Variants in DAB1 observed in about 807,000 individuals in gnomAD.
DAB1 encodes the protein disabled homolog 1.
DAB1 carries 15 observed loss-of-function variants against 64.6 expected under a neutral mutation model. The observed-to-expected ratio is 0.23, with a 90% confidence interval of 0.16 to 0.36. The LOEUF (loss-of-function observed/expected upper bound fraction) is 0.36. DAB1 is among the 10% of genes least tolerant of loss of function. The pLI, the probability that DAB1 is intolerant of heterozygous loss-of-function variation, is 1.00. For synonymous variants in DAB1, 235 were observed against 251.9 expected, an observed-to-expected ratio of 0.93 and a Z score of 0.64; for missense variants, 596 against 706.7, an observed-to-expected ratio of 0.84 and a Z score of 1.78.
chr1:57,299,504 A>G (rs1230287956), intron 1 of DAB1, among the ~76,000 whole-genome samples: 2 of 152,248 alleles, frequency 1.3e-5, no homozygotes, highest in African/African-American at 2.4e-5. Context: ...ATTTGACAGC[A>G]ACATGGCATA....
chr1:57,934,221 G>A (rs1199130066), intron 5 of DAB1, among the ~76,000 whole-genome samples: 1 of 152,062 alleles, frequency 6.6e-6, no homozygotes, highest in African/African-American at 2.4e-5. Flanking sequence ...ACTGCGCCCG[G>A]CCCTAGTCTT....
intron 4 of DAB1, among the ~76,000 whole-genome samples, chr1:58,340,905 A>AT (rs1643923462): frequency 6.6e-6 from 1 of 152,216 alleles, no homozygotes; most frequent in African/African-American, 2.4e-5. Flanking sequence ...CTAGAAAAGG[A>AT]TAAATGTCGA....
chr1:58,126,022 A>G (rs79863771), intron 5 of DAB1, among the ~76,000 whole-genome samples: 3,847 of 152,170 alleles, frequency 0.025, 143 homozygotes, highest in African/African-American at 0.087. Flanking sequence ...GGAGCTCACT[A>G]AACACTGGAC....
intron 9 of DAB1, among the ~76,000 whole-genome samples, chr1:57,047,848 A>G (rs914817604): frequency 7.9e-5 from 12 of 152,140 alleles, no homozygotes; most frequent in African/African-American, 2.9e-4. Flanking sequence ...CCCATGCTCT[A>G]TACACCAGTC....
At chr1:58,292,598 T>G (rs747852193) in intron 4 of DAB1, among the ~76,000 whole-genome samples, 24 of 152,070 alleles carry the variant, frequency 1.6e-4, no homozygotes, top group Non-Finnish European at 3.2e-4. Flanking sequence ...AGTGAGTGTG[T>G]TAGTGCTGGT....
chr1:58,314,161 A>G (rs1046723507), intron 4 of DAB1, among the ~76,000 whole-genome samples: 24 of 152,086 alleles, frequency 1.6e-4, no homozygotes, highest in Non-Finnish European at 3.2e-4. Flanking sequence ...GTTTAGGGCA[A>G]TATCTTTTAG....
At chr1:57,361,421 G>A (rs1261703907) in intron 1 of DAB1, among the ~76,000 whole-genome samples, 1 of 152,106 alleles carries the variant, frequency 6.6e-6, no homozygotes. Flanking sequence ...TAAAAATGCA[G>A]TTCTAGGAGC....
At chr1:57,954,771 T>G (rs1187200582) in intron 5 of DAB1, among the ~76,000 whole-genome samples, 1 of 152,224 alleles carries the variant, frequency 6.6e-6, no homozygotes, top group Non-Finnish European at 1.5e-5. Context: ...AGTTTAGCTC[T>G]GTATGATAAA....
At chr1:57,873,006 G>C (rs1393438305) in intron 1 of DAB1, among the ~76,000 whole-genome samples, 2 of 152,056 alleles carry the variant, frequency 1.3e-5, no homozygotes, top group Non-Finnish European at 2.9e-5. Context: ...TGAGCCCCCT[G>C]TTCTGATTTT....
At chr1:58,046,475 C>G (rs573176048) in intron 5 of DAB1, among the ~76,000 whole-genome samples, 6 of 151,022 alleles carry the variant, frequency 4.0e-5, no homozygotes, top group African/African-American at 1.5e-4. Flanking sequence ...ATTTTTTTTT[C>G]GAAGGTAGGA....
In DAB1 at chr1:57,126,312, G is replaced by A. The variant is rs7545662; in HGVS notation, c.306+10231C>T. Among the ~76,000 whole-genome samples, 1,054 of 152,176 alleles carry A rather than the reference G, an allele frequency of 6.9e-3. 12 individuals are homozygous for A. The highest frequency in any genetic ancestry group is 0.025 in the African/African-American group (1,019 of 41,514). ...AAGGAAACCAATCAGTCATTGAAGC[G>A]TTCTGTTGTAGGTAACATCTGGAAC... On this transcript the variant is annotated intron_variant, in intron 4 of 14. Coordinates refer to ENST00000371236, the MANE Select transcript of DAB1 (RefSeq NM_001365792.1).
intron 3 of DAB1, among the ~76,000 whole-genome samples, chr1:58,480,293 T>C (rs975481430): frequency 1.3e-5 from 2 of 152,166 alleles, no homozygotes; most frequent in Admixed American, 1.3e-4. Flanking sequence ...GGTAATCTCA[T>C]GGAGCAACCA....
At chr1:57,870,607 C>T in intron 1 of DAB1, among the ~76,000 whole-genome samples, 1 of 152,016 alleles carries the variant, frequency 6.6e-6, no homozygotes, top group South Asian at 2.1e-4. Context: ...TTATATTATG[C>T]ATATAAGAAT....
intron 5 of DAB1, among the ~76,000 whole-genome samples, chr1:57,914,625 T>C (rs187681132): frequency 7.9e-5 from 12 of 152,350 alleles, no homozygotes; most frequent in African/African-American, 4.8e-5. Context: ...AAGTTATTAA[T>C]GACTCTCTTA....
chr1:58,364,751 A>G (rs1417816201), intron 3 of DAB1, among the ~76,000 whole-genome samples: 2 of 152,228 alleles, frequency 1.3e-5, no homozygotes, highest in Non-Finnish European at 2.9e-5. Context: ...CAAGGGGAAA[A>G]AATCCACATA....
intron 5 of DAB1, among the ~76,000 whole-genome samples, chr1:58,051,352 T>C (rs565549328): frequency 7.4e-4 from 113 of 152,276 alleles, no homozygotes; most frequent in Non-Finnish European, 1.4e-3. Context: ...TCCAGCTTCA[T>C]CCATGTCCCT....
intron 5 of DAB1, among the ~76,000 whole-genome samples, chr1:57,964,931 T>C (rs1176424191): frequency 5.9e-5 from 9 of 151,936 alleles, no homozygotes; most frequent in African/African-American, 1.7e-4. Flanking sequence ...TGGGGGAATA[T>C]TGAGAAATAG....
chr1:57,634,590 T>C (rs1387152509), intron 7 of DAB1, among the ~76,000 whole-genome samples: 1 of 152,204 alleles, frequency 6.6e-6, no homozygotes, highest in Non-Finnish European at 1.5e-5. Flanking sequence ...TACCTTACCC[T>C]CTTCCAGATT....
intron 5 of DAB1, among the ~76,000 whole-genome samples, chr1:58,037,381 T>C (rs1647061118): frequency 1.3e-5 from 2 of 152,172 alleles, no homozygotes; most frequent in East Asian, 3.9e-4. Context: ...ACCCCTGGGC[T>C]GTGGATGAAT....
Sources: gnomAD v4.1 joint callset for allele counts (sites outside exome capture counted in the v4.1 genomes callset) on GRCh38, gnomAD v4.1.1 for gene constraint, MANE v1.5 for transcripts, NCBI Gene and HGNC (gene_info 2026-07-23, HGNC 2026-07-21) for gene names.